The following ASTN2 variants were observed in gnomAD, a reference collection of about 807,000 sequenced individuals.
ASTN2 encodes astrotactin 2.
ASTN2 carries 54 observed loss-of-function variants against 139.8 expected under a neutral mutation model. That is an observed-to-expected ratio of 0.39 (90% CI 0.31 to 0.48). ASTN2 has a LOEUF of 0.48. Ranked by LOEUF, ASTN2 falls within the 20% of genes least tolerant of loss-of-function variation. ASTN2 has a pLI of 0.95. For synonymous variants in ASTN2, 756 were observed against 719.5 expected, an observed-to-expected ratio of 1.05 and a Z score of -0.81; for missense variants, 1,565 against 1,725.1, an observed-to-expected ratio of 0.91 and a Z score of 1.64.
chr9:116,534,855 G>A (rs1348047514), intron 19 of ASTN2, among the ~76,000 whole-genome samples: 1 of 152,202 alleles, frequency 6.6e-6, no homozygotes, highest in African/African-American at 2.4e-5. Flanking sequence ...GGGGTGGAGA[G>A]TTTTGTAGAT....
intron 11 of ASTN2, among the ~76,000 whole-genome samples, chr9:116,859,106 G>A (rs770709036): frequency 2.6e-5 from 4 of 152,208 alleles, no homozygotes; most frequent in East Asian, 1.9e-4. Flanking sequence ...AGCTGGCAAC[G>A]CTGCCTCTCT....
chr9:116,767,476 A>G (rs1445825835), intron 13 of ASTN2, among the ~76,000 whole-genome samples: 1 of 152,218 alleles, frequency 6.6e-6, no homozygotes, highest in African/African-American at 2.4e-5. Context: ...CAGGCCTGAC[A>G]AAACATTTCA....
chr9:117,395,739 C>T (rs192731531), intron 1 of ASTN2, among the ~76,000 whole-genome samples: 147 of 146,886 alleles, frequency 1.0e-3, no homozygotes, highest in African/African-American at 3.5e-3. Context: ...GGTGCAAATA[C>T]GCAGAGTTAC....
At chr9:116,924,808 A>G (rs1834710592) in intron 10 of ASTN2, among the ~76,000 whole-genome samples, 1 of 152,130 alleles carries the variant, frequency 6.6e-6, no homozygotes, top group Admixed American at 6.5e-5. Flanking sequence ...TTTTATTAGC[A>G]AGGTCTTTAT....
At chr9:116,524,479 C>T (rs534016839) in intron 19 of ASTN2, among the ~76,000 whole-genome samples, 2 of 152,280 alleles carry the variant, frequency 1.3e-5, no homozygotes, top group African/African-American at 4.8e-5. Context: ...TTCTGAGAGG[C>T]AGCCTGGTGT....
At chr9:117,180,899 CA>C in intron 3 of ASTN2, 1 of 1,590,128 alleles carries the variant, frequency 6.3e-7, no homozygotes, top group Non-Finnish European at 8.6e-7. Flanking sequence ...CGCAGGGCCT[CA>C]ATTACATGCT....
At chr9:116,929,912 T>C (rs1172589962) in intron 10 of ASTN2, among the ~76,000 whole-genome samples, 2 of 152,216 alleles carry the variant, frequency 1.3e-5, no homozygotes, top group Non-Finnish European at 2.9e-5. Context: ...GTTGAGTTGT[T>C]AATTATTGTC....
chr9:117,059,059 C>T (rs1414707975), intron 5 of ASTN2, among the ~76,000 whole-genome samples: 1 of 152,096 alleles, frequency 6.6e-6, no homozygotes, highest in Non-Finnish European at 1.5e-5. Flanking sequence ...GGTCTATCTG[C>T]TAAGGGAGAA....
At chr9:116,832,891 G>A (rs1038516082) in intron 11 of ASTN2, among the ~76,000 whole-genome samples, 1 of 151,482 alleles carries the variant, frequency 6.6e-6, no homozygotes, top group Non-Finnish European at 1.5e-5. Flanking sequence ...AAAATGATTT[G>A]GGAAGTATTC....
intron 20 of ASTN2, among the ~76,000 whole-genome samples, chr9:116,451,726 A>C (rs978254516): frequency 3.3e-5 from 5 of 152,046 alleles, no homozygotes; most frequent in African/African-American, 1.2e-4. Context: ...CAGGACTCTC[A>C]TTTTTTTGTA....
intron 16 of ASTN2, among the ~76,000 whole-genome samples, chr9:116,655,899 G>A (rs1023332555): frequency 2.6e-5 from 4 of 151,402 alleles, no homozygotes; most frequent in Non-Finnish European, 4.4e-5. Flanking sequence ...TTGTTGTTTT[G>A]TATTTTTTGG....
At chr9:116,679,641 A>G (rs1159738611) in intron 16 of ASTN2, among the ~76,000 whole-genome samples, 1 of 152,168 alleles carries the variant, frequency 6.6e-6, no homozygotes, top group Non-Finnish European at 1.5e-5. Context: ...AACTCTCCTC[A>G]GCAAATGTAA....
intron 12 of ASTN2, among the ~76,000 whole-genome samples, chr9:116,806,504 C>A (rs1831033302): frequency 6.6e-6 from 1 of 152,172 alleles, no homozygotes; most frequent in Admixed American, 6.5e-5. Flanking sequence ...AATCAGAGAT[C>A]TCAGCCCCTG....
At position 117,064,002 on chromosome 9, in the gene ASTN2, T is replaced by C. The variant is rs772089108; in HGVS notation, c.1277-24037A>G. On this transcript the variant is annotated intron_variant, in intron 5 of 22. Transcript: ENST00000313400. ...TGGATACATGAAAGCAGCTGAAAGA[T>C]TGTTTTCCCGAGAGCTTTTTGGCTG... Among the ~76,000 whole-genome samples the C allele has an allele frequency of 8.5e-5, 13 of 152,094 alleles. 1 individual carries two copies. The East Asian group carries it at 1.9e-3, about 23-fold the overall frequency.
In ASTN2 at chr9:117,039,911, G is replaced by A. The variant is rs866109686; in HGVS notation, c.1331C>T (p.Ser444Phe). Residue 444 changes from serine (S) to phenylalanine (F), a missense_variant, in exon 6 of 23, where the codon TCC becomes TTC. By Grantham distance (155) the Ser-to-Phe change is radical (BLOSUM62 -2). This residue lies in a region of ASTN2 where 503 missense variants were observed against 591.7 expected (regional missense o/e 0.85). Transcript: ENST00000313400. ...GCCACACACCATGGCCAGGATGCAG[G>A]AACTCACAGCAATCAGTGTCAGGGC... Reference protein sequence around the residue: ...KTALTLIAVSSCILAMVCGSQ... With the variant: ...KTALTLIAVSFCILAMVCGSQ... The A allele has an allele frequency of 6.2e-7, 1 of 1,613,830 alleles. No homozygotes were observed. The highest frequency in any genetic ancestry group is 8.5e-7 in the Non-Finnish European group (1 of 1,179,878).
chr9:116,813,873 A>G (rs1022416151), intron 12 of ASTN2, among the ~76,000 whole-genome samples: 1 of 151,928 alleles, frequency 6.6e-6, no homozygotes, highest in Admixed American at 6.6e-5. Context: ...CATCTCTACT[A>G]AAAATACAAT....
intron 10 of ASTN2, among the ~76,000 whole-genome samples, chr9:116,890,200 G>A (rs1312137999): frequency 2.0e-5 from 3 of 152,166 alleles, no homozygotes; most frequent in Non-Finnish European, 4.4e-5. Flanking sequence ...CTATGCCAAA[G>A]GGGACAATCA....
At chr9:117,273,851 A>C (rs2133129329) in intron 2 of ASTN2, among the ~76,000 whole-genome samples, 1 of 152,342 alleles carries the variant, frequency 6.6e-6, no homozygotes, top group South Asian at 2.1e-4. Context: ...CAGTTTATCA[A>C]ACCAATTGAC....
rs551358801 is a variant in ASTN2, at chr9:116,463,345, T to C, written c.3498-20792A>G. Among the ~76,000 whole-genome samples the C allele has an allele frequency of 1.7e-4, 26 of 152,226 alleles. No individual in the cohort carries two copies. The South Asian group carries it at 4.6e-3, about 27-fold the overall frequency. On this transcript the variant is annotated intron_variant, in intron 20 of 22. Coordinates refer to ENST00000313400, the MANE Select transcript of ASTN2 (RefSeq NM_001365068.1). ...AAAGCTCTTCGATCTCTCCCCACCATCCATAACATAAAAACTATTCTCCCT... is the reference window on the plus strand; with the variant it reads ...AAAGCTCTTCGATCTCTCCCCACCACCCATAACATAAAAACTATTCTCCCT...
Sources: gnomAD v4.1 joint callset for allele counts (sites outside exome capture counted in the v4.1 genomes callset) on GRCh38, gnomAD v4.1.1 for gene constraint, gnomAD v4.1.1 regional missense constraint, MANE v1.5 for transcripts, NCBI Gene and HGNC (gene_info 2026-07-23, HGNC 2026-07-21) for gene names.